Variants in BCKDHB observed in about 807,000 individuals in gnomAD.
BCKDHB encodes the protein 2-oxoisovalerate dehydrogenase subunit beta, mitochondrial.
BCKDHB carries 41 observed loss-of-function variants against 48.5 expected under a neutral mutation model. The ratio of observed to expected loss-of-function variants is 0.85; its 90% confidence interval spans 0.66 to 1.10. The LOEUF (loss-of-function observed/expected upper bound fraction) is 1.10. Among genes scored for constraint, BCKDHB ranks in the 50% least tolerant of loss-of-function variants. BCKDHB has a pLI of 0.00. For missense variants in BCKDHB, 496 were observed against 494.2 expected (o/e 1.00, Z -0.03); for synonymous variants, 201 against 174.8 (o/e 1.15, Z -1.18).
the BCKDHB span, among the ~76,000 whole-genome samples, chr6:80,411,915 G>A: frequency 2.0e-5 from 3 of 152,218 alleles, no homozygotes. Flanking sequence ...CAACTTCCCG[G>A]GTGAGGTGAG....
intron 3 of BCKDHB, among the ~76,000 whole-genome samples, chr6:80,164,952 C>T (rs1204296731): frequency 1.3e-5 from 2 of 152,152 alleles, no homozygotes; most frequent in African/African-American, 2.4e-5. Context: ...TTTAACAGTT[C>T]ATGTTGAAGC....
the BCKDHB span, among the ~76,000 whole-genome samples, chr6:80,465,032 C>G: frequency 6.6e-6 from 1 of 152,136 alleles, no homozygotes; most frequent in African/African-American, 2.4e-5. Context: ...GTTTTTTTCC[C>G]TGCCTCTCTT....
chr6:80,392,285 C>T, the BCKDHB span, among the ~76,000 whole-genome samples: 4 of 152,076 alleles, frequency 2.6e-5, no homozygotes, highest in African/African-American at 4.8e-5. Flanking sequence ...TGAGTCACTG[C>T]GCCTGGGCAA....
At chr6:80,330,252 G>C (rs956345100) in intron 9 of BCKDHB, among the ~76,000 whole-genome samples, 2 of 152,180 alleles carry the variant, frequency 1.3e-5, no homozygotes, top group African/African-American at 4.8e-5. Flanking sequence ...AATGGCACCA[G>C]TGTGGCATCT....
At chr6:80,244,261 C>G (rs1001605019) in intron 8 of BCKDHB, among the ~76,000 whole-genome samples, 3 of 152,184 alleles carry the variant, frequency 2.0e-5, no homozygotes, top group Non-Finnish European at 4.4e-5. Flanking sequence ...TGTGTGTACA[C>G]ACGTGCGCAT....
chr6:80,240,949 C>A (rs982524135), intron 8 of BCKDHB, among the ~76,000 whole-genome samples: 1 of 152,002 alleles, frequency 6.6e-6, no homozygotes, highest in African/African-American at 2.4e-5. Context: ...TTTTTCGTTT[C>A]TTTTTACTCT....
At chr6:80,414,799 A>G in the BCKDHB span, among the ~76,000 whole-genome samples, 3 of 152,118 alleles carry the variant, frequency 2.0e-5, no homozygotes, top group African/African-American at 4.8e-5. Context: ...AAAAATGCCA[A>G]TTGTAGTTTA....
At chr6:80,267,835 C>T (rs1777577534) in intron 8 of BCKDHB, among the ~76,000 whole-genome samples, 1 of 151,992 alleles carries the variant, frequency 6.6e-6, no homozygotes, top group African/African-American at 2.4e-5. Flanking sequence ...ACATTATTTG[C>T]TTATTTTTCA....
intron 8 of BCKDHB, among the ~76,000 whole-genome samples, chr6:80,239,616 A>G (rs1319561772): frequency 2.0e-5 from 3 of 152,100 alleles, no homozygotes; most frequent in African/African-American, 7.2e-5. Flanking sequence ...ATTAGATCCC[A>G]TTTGACAATT....
the BCKDHB span, among the ~76,000 whole-genome samples, chr6:80,412,605 C>A: frequency 6.6e-6 from 1 of 152,046 alleles, no homozygotes; most frequent in Non-Finnish European, 1.5e-5. Flanking sequence ...ATATACTTAC[C>A]TTCATCCATG....
At chr6:80,208,385 G>C (rs1379760895) in intron 8 of BCKDHB, among the ~76,000 whole-genome samples, 2 of 151,426 alleles carry the variant, frequency 1.3e-5, no homozygotes, top group African/African-American at 4.8e-5. Context: ...ATAGGAATAA[G>C]AATTAAAAAA....
At chr6:80,241,815 A>T (rs773433900) in intron 8 of BCKDHB, among the ~76,000 whole-genome samples, 1 of 152,200 alleles carries the variant, frequency 6.6e-6, no homozygotes, top group African/African-American at 2.4e-5. Flanking sequence ...GTGAAATGGT[A>T]TCCTACTGGG....
intron 9 of BCKDHB, among the ~76,000 whole-genome samples, chr6:80,307,117 A>C (rs893414404): frequency 1.3e-5 from 2 of 152,068 alleles, no homozygotes; most frequent in African/African-American, 4.8e-5. Flanking sequence ...TTCACCACCA[A>C]CTTTTCTTTC....
chr6:80,276,370 C>A (rs1375871152), intron 9 of BCKDHB, among the ~76,000 whole-genome samples: 2 of 151,644 alleles, frequency 1.3e-5, no homozygotes, highest in African/African-American at 4.8e-5. Flanking sequence ...AAGTTACTAC[C>A]TATATTAAAA....
intron 9 of BCKDHB, among the ~76,000 whole-genome samples, chr6:80,336,557 G>T (rs1769605781): frequency 6.6e-6 from 1 of 151,246 alleles, no homozygotes; most frequent in Admixed American, 6.6e-5. Flanking sequence ...AGGAGGAAGA[G>T]ATGGATTTTT....
intron 8 of BCKDHB, among the ~76,000 whole-genome samples, chr6:80,234,995 T>C (rs1776089773): frequency 6.6e-6 from 1 of 152,182 alleles, no homozygotes. Flanking sequence ...AGAATAGTGG[T>C]AACCAGAGTC....
intron 3 of BCKDHB, among the ~76,000 whole-genome samples, chr6:80,138,545 T>G (rs528339661): frequency 6.6e-6 from 1 of 152,194 alleles, no homozygotes; most frequent in Non-Finnish European, 1.5e-5. Flanking sequence ...TATGTGGTGT[T>G]TGGTTTTTTG....
chr6:80,324,674 T>C (rs999814508), intron 9 of BCKDHB, among the ~76,000 whole-genome samples: 1 of 152,152 alleles, frequency 6.6e-6, no homozygotes, highest in African/African-American at 2.4e-5. Context: ...CCTTTCTCAC[T>C]ACCCTCCCTT....
intron 6 of BCKDHB, 27 bp from the exon 7 acceptor site, chr6:80,200,905 CTT>C (rs374325532): frequency 9.7e-4 from 1,176 of 1,212,838 alleles, no homozygotes; most frequent in South Asian, 1.1e-3. Context: ...AAAAAATGTC[CTT>C]TTTTTTTTTT....
Sources: gnomAD v4.1 joint callset for allele counts (sites outside exome capture counted in the v4.1 genomes callset) on GRCh38, gnomAD v4.1.1 for gene constraint, MANE v1.5 for transcripts, NCBI Gene and HGNC (gene_info 2026-07-23, HGNC 2026-07-21) for gene names.